Variants in LRP1B observed in about 807,000 individuals in gnomAD.
LRP1B encodes low-density lipoprotein receptor-related protein 1B.
A neutral mutation model predicts 556.6 loss-of-function variants in LRP1B; 217 were observed. The ratio of observed to expected loss-of-function variants is 0.39; its 90% CI spans 0.35 to 0.44. The LOEUF is 0.44. LRP1B is among the 20% of genes least tolerant of loss of function. LRP1B has a pLI of 1.00. For missense variants in LRP1B, 5,053 were observed against 5,620.8 expected (o/e 0.90, Z 3.23); for synonymous variants, 2,047 against 1,865.8 (o/e 1.10, Z -2.50).
chr2:142,002,699 G>A (rs1396402900), intron 1 of LRP1B, among the ~76,000 whole-genome samples: 8 of 151,960 alleles, frequency 5.3e-5, no homozygotes, highest in African/African-American at 1.5e-4. Flanking sequence ...AAAAGTGAGC[G>A]TCAATTGTGC....
intron 1 of LRP1B, among the ~76,000 whole-genome samples, chr2:142,049,524 T>C (rs937613824): frequency 6.6e-6 from 1 of 152,216 alleles, no homozygotes; most frequent in African/African-American, 2.4e-5. Context: ...TGAAAGTATG[T>C]GCCAATACTG....
chr2:140,270,649 G>A (rs929703042), intron 85 of LRP1B, among the ~76,000 whole-genome samples: 1 of 151,836 alleles, frequency 6.6e-6, no homozygotes, highest in African/African-American at 2.4e-5. Context: ...TTACACTTCT[G>A]GGAGACATTA....
intron 79 of LRP1B, among the ~76,000 whole-genome samples, chr2:140,333,291 T>G (rs1680906473): frequency 6.6e-6 from 1 of 152,086 alleles, no homozygotes; most frequent in African/African-American, 2.4e-5. Flanking sequence ...AGCCCATCTC[T>G]TACTTTGCTT....
intron 2 of LRP1B, among the ~76,000 whole-genome samples, chr2:141,594,180 G>C (rs929524498): frequency 2.0e-5 from 3 of 151,998 alleles, no homozygotes; most frequent in South Asian, 2.1e-4. Flanking sequence ...AGGGGACCCT[G>C]TGCCCCAGTT....
intron 2 of LRP1B, among the ~76,000 whole-genome samples, chr2:141,529,333 T>C (rs899050853): frequency 3.3e-5 from 5 of 152,186 alleles, no homozygotes; most frequent in African/African-American, 9.7e-5. Flanking sequence ...CTAATAGATA[T>C]TTGATGTGAA....
intron 67 of LRP1B, among the ~76,000 whole-genome samples, chr2:140,385,497 G>A (rs78179465): frequency 2.0e-5 from 3 of 152,082 alleles, no homozygotes; most frequent in East Asian, 1.9e-4. Flanking sequence ...GCTCATGGGC[G>A]AATTTATAGT....
chr2:141,532,321 T>G, intron 2 of LRP1B, among the ~76,000 whole-genome samples: 1 of 67,656 alleles, frequency 1.5e-5, no homozygotes, highest in Non-Finnish European at 4.6e-5. Flanking sequence ...TTGTATGAAC[T>G]TAAATAAATT....
chr2:141,860,023 G>A (rs551195755), intron 1 of LRP1B, among the ~76,000 whole-genome samples: 2 of 152,194 alleles, frequency 1.3e-5, no homozygotes, highest in Admixed American at 6.5e-5. Flanking sequence ...AACAGAAAAT[G>A]TTATTTTCAC....
At chr2:140,923,306 A>G (rs1228382856) in intron 20 of LRP1B, among the ~76,000 whole-genome samples, 159 bp from the exon 21 acceptor site, 1 of 152,102 alleles carries the variant, frequency 6.6e-6, no homozygotes, top group Non-Finnish European at 1.5e-5. Context: ...GTTAATAAGT[A>G]TAAATATACT....
chr2:141,429,721 T>G (rs961276697), intron 3 of LRP1B, among the ~76,000 whole-genome samples: 6 of 152,132 alleles, frequency 3.9e-5, no homozygotes, highest in African/African-American at 1.4e-4. Context: ...AGCTCCCACT[T>G]ATAAGAGAGA....
At chr2:141,980,281 C>T (rs973268954) in intron 1 of LRP1B, among the ~76,000 whole-genome samples, 2 of 152,088 alleles carry the variant, frequency 1.3e-5, no homozygotes, top group Admixed American at 6.6e-5. Context: ...GAACAGTTCC[C>T]GACTGCCTGA....
intron 66 of LRP1B, among the ~76,000 whole-genome samples, chr2:140,402,411 T>C (rs1265880911): frequency 6.6e-6 from 1 of 152,164 alleles, no homozygotes; most frequent in Non-Finnish European, 1.5e-5. Flanking sequence ...TGGGGCTTCT[T>C]CCATGAGAGC....
intron 3 of LRP1B, among the ~76,000 whole-genome samples, chr2:141,276,219 C>T (rs1685277471): frequency 6.6e-6 from 1 of 152,164 alleles, no homozygotes; most frequent in Non-Finnish European, 1.5e-5. Flanking sequence ...TTTCACATAA[C>T]TATCTTCACT....
intron 2 of LRP1B, among the ~76,000 whole-genome samples, chr2:141,728,836 G>A (rs781658950): frequency 1.8e-4 from 28 of 152,068 alleles, no homozygotes; most frequent in Admixed American, 3.9e-4. Flanking sequence ...GACTCTATCC[G>A]CTCTCACACG....
intron 1 of LRP1B, among the ~76,000 whole-genome samples, chr2:141,909,776 A>T (rs1272898740): frequency 6.6e-6 from 1 of 152,012 alleles, no homozygotes. Flanking sequence ...TGAATGCAAC[A>T]TAAGAAATTC....
intron 2 of LRP1B, among the ~76,000 whole-genome samples, chr2:141,510,234 A>ACACACACC (rs767916859): frequency 2.8e-5 from 4 of 145,278 alleles, no homozygotes; most frequent in African/African-American, 1.0e-4. Flanking sequence ...ACACACACAC[A>ACACACACC]CCCCCCACAG....
At chr2:141,804,918 A>C (rs1393921567) in intron 2 of LRP1B, among the ~76,000 whole-genome samples, 1 of 152,084 alleles carries the variant, frequency 6.6e-6, no homozygotes, top group Non-Finnish European at 1.5e-5. Context: ...TGCACTGTGC[A>C]TACCATCTCC....
intron 66 of LRP1B, among the ~76,000 whole-genome samples, chr2:140,414,375 T>C (rs1049340694): frequency 1.3e-5 from 2 of 152,136 alleles, no homozygotes; most frequent in African/African-American, 4.8e-5. Context: ...CACATAATAA[T>C]AGTAAAATAT....
intron 2 of LRP1B, among the ~76,000 whole-genome samples, chr2:141,656,180 T>C (rs1418416658): frequency 1.3e-5 from 2 of 152,098 alleles, no homozygotes; most frequent in African/African-American, 4.8e-5. Flanking sequence ...TTCAACACAA[T>C]ACCATGTTGC....
Sources: gnomAD v4.1 joint callset for allele counts (sites outside exome capture counted in the v4.1 genomes callset) on GRCh38, gnomAD v4.1.1 for gene constraint, MANE v1.5 for transcripts, NCBI Gene and HGNC (gene_info 2026-07-23, HGNC 2026-07-21) for gene names.